KIF25: variants seen among roughly 807,000 people sequenced by gnomAD.
KIF25 encodes kinesin-like protein KIF25.
A neutral mutation model predicts 32.9 loss-of-function variants in KIF25; 19 were observed. The ratio of observed to expected loss-of-function variants is 0.58; its 90% CI spans 0.40 to 0.85. The LOEUF is 0.85. Ranked by LOEUF, KIF25 falls within the 40% of genes least tolerant of loss-of-function variation. The probability of loss-of-function intolerance (pLI) is 0.00; values close to 1 mark genes in which losing one functional copy is unlikely to be tolerated. For synonymous variants in KIF25, 225 were observed against 213.7 expected (o/e 1.05, Z -0.46); for missense variants, 485 against 507.0 (o/e 0.96, Z 0.42).
chr6:168,020,127 CTCAA>C (rs1798769070), intron 5 of KIF25, among the ~76,000 whole-genome samples: 1 of 86,622 alleles, frequency 1.2e-5, no homozygotes. Context: ...GAGACTCCAT[CTCAA>C]ACAAACAAAC....
At chr6:168,013,230 G>T (rs572745250) in intron 4 of KIF25, among the ~76,000 whole-genome samples, 1 of 151,722 alleles carries the variant, frequency 6.6e-6, no homozygotes, top group Admixed American at 6.6e-5. Context: ...TTGGGGAAAG[G>T]TGAACAGCAG....
chr6:168,035,910 C>T (rs2306945), intron 8 of KIF25: 14,197 of 399,716 alleles, frequency 0.036, 589 homozygotes, highest in African/African-American at 0.12. Context: ...ATCACATCCA[C>T]ACACGACCTG....
At chr6:168,027,677 G>A (rs893607528) in intron 5 of KIF25, among the ~76,000 whole-genome samples, 5 of 152,098 alleles carry the variant, frequency 3.3e-5, no homozygotes, top group Admixed American at 6.5e-5. Flanking sequence ...CCTCCTCCCC[G>A]GACAGCCGCG....
intron 8 of KIF25, among the ~76,000 whole-genome samples, chr6:168,037,100 T>G (rs1799035508): frequency 6.6e-6 from 1 of 152,208 alleles, no homozygotes; most frequent in Non-Finnish European, 1.5e-5. Flanking sequence ...AAATAAAATC[T>G]GTAGCTTAGC....
intron 5 of KIF25, among the ~76,000 whole-genome samples, chr6:168,018,297 C>T (rs561072786): frequency 1.8e-4 from 27 of 152,290 alleles, no homozygotes; most frequent in African/African-American, 6.3e-4. Flanking sequence ...CAGTAAACTA[C>T]GTGAAACAGT....
intron 5 of KIF25, among the ~76,000 whole-genome samples, chr6:168,026,184 T>C (rs922679097): frequency 3.3e-5 from 5 of 152,194 alleles, no homozygotes; most frequent in African/African-American, 1.2e-4. Context: ...GCAAGGGCAC[T>C]GTGGTGGGGA....
intron 2 of KIF25, among the ~76,000 whole-genome samples, chr6:168,001,287 C>G (rs1200329586): frequency 3.3e-5 from 5 of 152,218 alleles, no homozygotes; most frequent in Non-Finnish European, 7.3e-5. Flanking sequence ...TCAGCGTCAT[C>G]TCAGTGCTCA....
intron 2 of KIF25, among the ~76,000 whole-genome samples, chr6:168,001,387 C>A (rs1368259983): frequency 6.6e-6 from 1 of 152,242 alleles, no homozygotes; most frequent in Non-Finnish European, 1.5e-5. Context: ...CGGTGATCAG[C>A]TTTCCTGAAC....
intron 7 of KIF25, among the ~76,000 whole-genome samples, chr6:168,032,770 A>C (rs780615410): frequency 6.6e-6 from 1 of 152,148 alleles, no homozygotes; most frequent in Non-Finnish European, 1.5e-5. Flanking sequence ...GTCACAGTTG[A>C]CCAGTTAAGT....
intron 4 of KIF25, among the ~76,000 whole-genome samples, chr6:168,013,588 T>C (rs1692299940): frequency 6.6e-6 from 1 of 152,116 alleles, no homozygotes; most frequent in African/African-American, 2.4e-5. Flanking sequence ...TCTGGGGCCA[T>C]GGAGCTGTGT....
chr6:167,999,869 A>G (rs1798472813), intron 2 of KIF25, among the ~76,000 whole-genome samples: 1 of 151,966 alleles, frequency 6.6e-6, no homozygotes, highest in Non-Finnish European at 1.5e-5. Context: ...TTCCTTCCCC[A>G]TGAAACAAAC....
At chr6:168,022,022 C>T (rs974520634) in intron 5 of KIF25, among the ~76,000 whole-genome samples, 3 of 152,144 alleles carry the variant, frequency 2.0e-5, no homozygotes, top group African/African-American at 7.2e-5. Context: ...TATAATACTG[C>T]TTGGGACTTT....
In KIF25 at chr6:167,998,067, C is replaced by T. The variant is rs1204388301; in HGVS notation, c.-1402C>T. ...CATTTGGTGTATTTTCTTATTTAATCTTCACAATAGCACCACCTCTCTGGG... is the reference window on the plus strand; with the variant it reads ...CATTTGGTGTATTTTCTTATTTAATTTTCACAATAGCACCACCTCTCTGGG... On this transcript the variant is annotated 5_prime_UTR_variant, in exon 1 of 13. Coordinates refer to ENST00000643607, the MANE Select transcript of KIF25 (RefSeq NM_030615.4). 1 of 152,030 alleles carries T rather than the reference C, an allele frequency of 6.6e-6. No individual in the cohort carries two copies. Among genetic ancestry groups the T allele is most frequent in the Non-Finnish European group, 1.5e-5 (1 of 68,018 alleles). 9.4% of individuals were successfully genotyped at this position (152,030 alleles called of 1,614,324 possible).
chr6:168,028,815 A>G (rs1249782017), intron 5 of KIF25, among the ~76,000 whole-genome samples: 1 of 152,140 alleles, frequency 6.6e-6, no homozygotes, highest in African/African-American at 2.4e-5. Context: ...AACATTTCTT[A>G]TTAAGTTTAT....
chr6:168,038,800 G>C (rs1418313713), intron 9 of KIF25, 71 bp downstream of exon 9: 15 of 1,514,882 alleles, frequency 9.9e-6, no homozygotes, highest in Non-Finnish European at 1.1e-5. Flanking sequence ...CACCTGGTCA[G>C]GAGGCTGCAC....
chr6:168,028,654 G>A (rs1443844105), intron 5 of KIF25, among the ~76,000 whole-genome samples: 1 of 152,214 alleles, frequency 6.6e-6, no homozygotes, highest in East Asian at 1.9e-4. Context: ...TTTTGGGGGG[G>A]ATTGAGGTAA....
At chr6:168,038,808 C>T (rs1016837622) in intron 9 of KIF25, 79 bp downstream of exon 9, 30 of 1,455,694 alleles carry the variant, frequency 2.1e-5, no homozygotes, top group Non-Finnish European at 2.7e-5. Context: ...CAGGAGGCTG[C>T]ACGTCTCTAA....
intron 4 of KIF25, among the ~76,000 whole-genome samples, chr6:168,013,986 G>C (rs925281519): frequency 6.7e-6 from 1 of 148,224 alleles, no homozygotes; most frequent in Non-Finnish European, 1.5e-5. Flanking sequence ...TGCTGACTTT[G>C]CTCCCACCAT....
chr6:168,004,232 G>T (rs1469762865), intron 4 of KIF25, among the ~76,000 whole-genome samples: 1 of 152,194 alleles, frequency 6.6e-6, no homozygotes, highest in Non-Finnish European at 1.5e-5. Context: ...GGAGGAGCCT[G>T]GGGCACTTGG....
Sources: allele counts gnomAD v4.1 joint callset (sites outside exome capture counted in the v4.1 genomes callset), GRCh38; gene constraint gnomAD v4.1.1; transcripts MANE v1.5; gene names NCBI Gene and HGNC (gene_info 2026-07-23, HGNC 2026-07-21).